The following HTR4 variants were observed in gnomAD, a reference collection of about 807,000 sequenced individuals.
HTR4 encodes 5-hydroxytryptamine (serotonin) receptor 4, G protein-coupled.
Under a neutral mutation model 36.8 loss-of-function variants are expected in HTR4, and 16 were observed. The ratio of observed to expected loss-of-function variants is 0.43; its 90% confidence interval spans 0.29 to 0.66. The LOEUF is 0.66. Among genes scored for constraint, HTR4 ranks in the 30% least tolerant of loss-of-function variants. The probability of loss-of-function intolerance (pLI) is 0.13; values close to 1 mark genes in which losing one functional copy is unlikely to be tolerated. For synonymous variants in HTR4, 189 were observed against 185.1 expected (o/e 1.02, Z -0.17); for missense variants, 438 against 490.9 (o/e 0.89, Z 1.02).
intron 6 of HTR4, among the ~76,000 whole-genome samples, chr5:148,492,360 T>C (rs1268358017): frequency 6.6e-6 from 1 of 152,226 alleles, no homozygotes; most frequent in South Asian, 2.1e-4. Flanking sequence ...CAGGGTATGA[T>C]GTACCCAGGA....
Position 148,515,073 on chromosome 5 carries a change from A to G in HTR4, c.508-5049T>C, listed in dbSNP as rs184369621. Among the ~76,000 whole-genome samples, 12 of 150,594 alleles carry G rather than the reference A, an allele frequency of 8.0e-5. No homozygotes were observed. The East Asian group carries it at 1.9e-3, about 24-fold the overall frequency. On this transcript the variant is annotated intron_variant, in intron 5 of 6. Transcript: ENST00000377888. ...TTTGTCTATAATCTTACTGTTATCT[A>G]TTAATCTTTTCTGTTTCTTGGTTCC...
intron 6 of HTR4, among the ~76,000 whole-genome samples, chr5:148,500,629 C>T (rs1251424398): frequency 1.3e-5 from 2 of 151,454 alleles, no homozygotes; most frequent in Non-Finnish European, 2.9e-5. Context: ...GATGAATATA[C>T]AGAATATAAC....
At chr5:148,582,386 G>C (rs567308476) in intron 2 of HTR4, among the ~76,000 whole-genome samples, 1 of 151,980 alleles carries the variant, frequency 6.6e-6, no homozygotes, top group African/African-American at 2.4e-5. Context: ...GGGTAGGATT[G>C]ATCTCATTAC....
chr5:148,563,215 G>A (rs1377040784), intron 2 of HTR4, among the ~76,000 whole-genome samples: 1 of 152,056 alleles, frequency 6.6e-6, no homozygotes, highest in Admixed American at 6.6e-5. Flanking sequence ...CTTCCACACT[G>A]TTCCCAGATG....
downstream of HTR4, among the ~76,000 whole-genome samples, chr5:148,473,686 G>A (rs192346985): frequency 5.9e-5 from 9 of 152,124 alleles, no homozygotes; most frequent in African/African-American, 1.4e-4. Flanking sequence ...CTCTAACAGC[G>A]CAAAAACACT....
intron 2 of HTR4, among the ~76,000 whole-genome samples, chr5:148,561,683 CT>C (rs1280532219): frequency 1.3e-5 from 2 of 151,526 alleles, no homozygotes; most frequent in Non-Finnish European, 2.9e-5. Context: ...ACAGAAATGT[CT>C]TCCTTTGGGG....
intron 2 of HTR4, among the ~76,000 whole-genome samples, chr5:148,627,250 T>C (rs1002985022): frequency 6.6e-6 from 1 of 152,224 alleles, no homozygotes; most frequent in Non-Finnish European, 1.5e-5. Context: ...TGCAGACTGA[T>C]AGATCGTATT....
intron 5 of HTR4, among the ~76,000 whole-genome samples, chr5:148,512,415 C>G (rs1021282046): frequency 8.6e-5 from 13 of 152,034 alleles, no homozygotes; most frequent in Non-Finnish European, 1.0e-4. Flanking sequence ...CAGGTATTTT[C>G]CCATTTTAAA....
downstream of HTR4, among the ~76,000 whole-genome samples, chr5:148,475,199 T>A (rs867669406): frequency 6.6e-6 from 1 of 152,166 alleles, no homozygotes; most frequent in Non-Finnish European, 1.5e-5. Context: ...TACAACCTCA[T>A]GAGTTAGGTA....
At chr5:148,604,926 G>C (rs1752085099) in intron 2 of HTR4, among the ~76,000 whole-genome samples, 1 of 152,170 alleles carries the variant, frequency 6.6e-6, no homozygotes, top group Non-Finnish European at 1.5e-5. Flanking sequence ...CAGTGGGGTA[G>C]GAACACAGTG....
rs748544896 is a variant in HTR4 at position 148,548,734 on chromosome 5, C to T, written c.287G>A (p.Arg96Gln). 5.0e-6 allele frequency: 8 copies of T among 1,612,738 alleles called. No homozygotes were observed. Among genetic ancestry groups the T allele is most frequent in the Admixed American group, 1.7e-5 (1 of 59,902 alleles). ...WIYGEVFCLV[R>Q]TSLDVLLTTA... ...TGTGAGCAGGACGTCCAGAGATGTC[C>T]GAACAAGACAAAACACCTCCCCATA... The change falls in exon 4 of 7, where the codon CGG (arginine) becomes CAG (glutamine). Residue 96 changes from arginine to glutamine, a missense_variant. Physicochemically the swap from Arg to Gln is conservative, Grantham distance 43. Coordinates refer to ENST00000377888, the MANE Select transcript of HTR4 (RefSeq NM_000870.7).
intron 1 of HTR4, among the ~76,000 whole-genome samples, chr5:148,653,053 T>C (rs1347787758): frequency 6.6e-6 from 1 of 152,072 alleles, no homozygotes; most frequent in Non-Finnish European, 1.5e-5. Context: ...AACATCTCCC[T>C]TGGTCACTGA....
intron 1 of HTR4, among the ~76,000 whole-genome samples, chr5:148,648,240 C>T (rs1218479760): frequency 1.3e-5 from 2 of 152,164 alleles, no homozygotes; most frequent in Non-Finnish European, 2.9e-5. Flanking sequence ...GAGCTCTCAG[C>T]AATGCTCATG....
At chr5:148,647,470 A>C (rs1198907279) in intron 1 of HTR4, among the ~76,000 whole-genome samples, 1 of 152,168 alleles carries the variant, frequency 6.6e-6, no homozygotes, top group Non-Finnish European at 1.5e-5. Flanking sequence ...TGACCTGGGC[A>C]CTGGACATTG....
At chr5:148,647,215 T>C (rs1753897531) in intron 1 of HTR4, among the ~76,000 whole-genome samples, 1 of 152,226 alleles carries the variant, frequency 6.6e-6, no homozygotes, top group Non-Finnish European at 1.5e-5. Flanking sequence ...CAAAAAGTTA[T>C]CCAAAATGGT....
At chr5:148,466,003 CAT>C (rs1047290008) in intron 5 of HTR4, 5 of 1,563,432 alleles carry the variant, frequency 3.2e-6, no homozygotes, top group East Asian at 2.3e-5. Context: ...AAAAAAAAAA[CAT>C]AGAGATTAGT....
intron 2 of HTR4, among the ~76,000 whole-genome samples, chr5:148,633,496 A>G (rs1352684962): frequency 2.6e-5 from 4 of 151,472 alleles, no homozygotes; most frequent in Non-Finnish European, 4.4e-5. Context: ...ATCATCTAGC[A>G]TTAGGTATAT....
chr5:148,576,587 A>AACCAAAACAGCATGATACTGGT (rs1260499589), intron 2 of HTR4, among the ~76,000 whole-genome samples: 3 of 152,160 alleles, frequency 2.0e-5, no homozygotes, highest in Non-Finnish European at 2.9e-5. Context: ...GGGCTACAGT[A>AACCAAAACAGCATGATACTGGT]ACCAAAACAG....
chr5:148,532,911 CAGG>C (rs1335791369), intron 4 of HTR4, among the ~76,000 whole-genome samples: 1 of 152,276 alleles, frequency 6.6e-6, no homozygotes, highest in African/African-American at 2.4e-5. Context: ...GATATGTTCC[CAGG>C]TGATGCTGTT....
Sources: allele counts gnomAD v4.1 joint callset (sites outside exome capture counted in the v4.1 genomes callset), GRCh38; gene constraint gnomAD v4.1.1; transcripts MANE v1.5; gene names NCBI Gene and HGNC (gene_info 2026-07-23, HGNC 2026-07-21).